Variants in EML4 observed in about 807,000 individuals in gnomAD.
EML4 encodes echinoderm microtubule-associated protein-like 4.
A neutral mutation model predicts 129.0 loss-of-function variants in EML4; 72 were observed. The observed-to-expected ratio is 0.56, with a 90% CI of 0.46 to 0.68. The LOEUF is 0.68. Ranked by LOEUF, EML4 falls within the 30% of genes least tolerant of loss-of-function variation. The pLI, the probability that EML4 is intolerant of heterozygous loss-of-function variation, is 0.00. For missense variants in EML4, 1,363 were observed against 1,190.6 expected (o/e 1.14, Z -2.13); for synonymous variants, 532 against 405.0 (o/e 1.31, Z -3.77).
At chr2:42,246,378 G>C (rs978818442) in intron 2 of EML4, among the ~76,000 whole-genome samples, 2 of 152,110 alleles carry the variant, frequency 1.3e-5, no homozygotes, top group East Asian at 3.9e-4. Flanking sequence ...GAGTATATGG[G>C]GATAGGCGTG....
chr2:42,172,759 A>G (rs894995596), intron 1 of EML4, among the ~76,000 whole-genome samples: 1 of 152,126 alleles, frequency 6.6e-6, no homozygotes, highest in African/African-American at 2.4e-5. Context: ...TACTGTATGT[A>G]TATTAAATCT....
intron 1 of EML4, among the ~76,000 whole-genome samples, chr2:42,178,800 A>G (rs1212782640): frequency 1.3e-5 from 2 of 152,190 alleles, no homozygotes; most frequent in Non-Finnish European, 2.9e-5. Flanking sequence ...ATTGCACTAT[A>G]GCGCTTCTAA....
At chr2:42,287,506 C>T (rs1667375747) in intron 10 of EML4, among the ~76,000 whole-genome samples, 1 of 152,112 alleles carries the variant, frequency 6.6e-6, no homozygotes, top group African/African-American at 2.4e-5. Context: ...AAGCTCTGCC[C>T]TTCCTCAGTG....
intron 1 of EML4, among the ~76,000 whole-genome samples, chr2:42,194,350 T>A (rs973563403): frequency 1.3e-5 from 2 of 150,380 alleles, no homozygotes. Context: ...TCTCTCTCTT[T>A]TTTTTTTTTT....
At chr2:42,291,379 C>T (rs1667628314) in intron 11 of EML4, among the ~76,000 whole-genome samples, 1 of 147,718 alleles carries the variant, frequency 6.8e-6, no homozygotes, top group East Asian at 2.0e-4. Context: ...ATGTTAAAAA[C>T]TTCTCTTTAT....
chr2:42,176,416 A>G (rs1670607602), intron 1 of EML4, among the ~76,000 whole-genome samples: 1 of 152,140 alleles, frequency 6.6e-6, no homozygotes, highest in Admixed American at 6.5e-5. Flanking sequence ...ACCCTCTCAG[A>G]TTGCTTCATT....
intron 1 of EML4, among the ~76,000 whole-genome samples, chr2:42,234,992 A>G (rs1372732726): frequency 3.9e-5 from 6 of 152,154 alleles, no homozygotes; most frequent in Non-Finnish European, 7.4e-5. Context: ...CCCCATCTCT[A>G]CTAAAAATAC....
chr2:42,305,242 A>G (rs1467944178), intron 17 of EML4, among the ~76,000 whole-genome samples: 2 of 152,210 alleles, frequency 1.3e-5, no homozygotes, highest in East Asian at 3.8e-4. Flanking sequence ...CATCTCTACA[A>G]AAAATAAAAA....
chr2:42,308,916 A>G (rs1337814054), intron 17 of EML4, among the ~76,000 whole-genome samples: 2 of 152,210 alleles, frequency 1.3e-5, no homozygotes, highest in Non-Finnish European at 2.9e-5. Context: ...CATATATAGC[A>G]TGTATTATGG....
At chr2:42,254,219 C>T (rs1255407222) in intron 2 of EML4, among the ~76,000 whole-genome samples, 2 of 152,148 alleles carry the variant, frequency 1.3e-5, no homozygotes, top group African/African-American at 4.8e-5. Context: ...CTTTGGGAGG[C>T]AGAGGCAGGT....
At chr2:42,317,011 G>A (rs1418558903) in intron 18 of EML4, among the ~76,000 whole-genome samples, 1 of 152,160 alleles carries the variant, frequency 6.6e-6, no homozygotes, top group African/African-American at 2.4e-5. Context: ...TTAGCACTGT[G>A]GTGGGTACAG....
intron 1 of EML4, among the ~76,000 whole-genome samples, chr2:42,176,403 T>G (rs775963488): frequency 1.2e-4 from 18 of 152,222 alleles, no homozygotes; most frequent in South Asian, 2.1e-4. Flanking sequence ...GATTGTGCTA[T>G]TCACCCTCTC....
chr2:42,186,214 T>C (rs1275595657), intron 1 of EML4, among the ~76,000 whole-genome samples: 1 of 152,200 alleles, frequency 6.6e-6, no homozygotes, highest in Non-Finnish European at 1.5e-5. Flanking sequence ...GAAAAATACA[T>C]AGCCAAAATA....
intron 1 of EML4, among the ~76,000 whole-genome samples, chr2:42,219,339 G>A (rs990976266): frequency 4.6e-5 from 7 of 152,170 alleles, no homozygotes; most frequent in African/African-American, 1.4e-4. Context: ...TTTTGTATAT[G>A]TGGATTGTGC....
At chr2:42,321,103 G>A (rs1669493244) in intron 19 of EML4, among the ~76,000 whole-genome samples, 1 of 152,000 alleles carries the variant, frequency 6.6e-6, no homozygotes, top group South Asian at 2.1e-4. Flanking sequence ...GTAGTACCAG[G>A]CCGGGTGCTG....
In EML4 at chr2:42,282,990, T is replaced by C. The variant is rs377083922; in HGVS notation, c.941+18T>C. On this transcript the variant is annotated intron_variant, in intron 8 of 22. Transcript: ENST00000318522. ...GTGAAATGGTTGGTATCATTTAACATTGGTTCATTTTTGTTCTTTCAGGCC... is the reference window on the plus strand; with the variant it reads ...GTGAAATGGTTGGTATCATTTAACACTGGTTCATTTTTGTTCTTTCAGGCC... 7 of 1,567,676 alleles carry C rather than the reference T, an allele frequency of 4.5e-6. No homozygotes were observed. The highest frequency in any genetic ancestry group is 2.8e-5 in the African/African-American group (2 of 72,638).
chr2:42,315,823 T>G lies in EML4; in HGVS notation c.1968-139T>G. ...GTGTGAGCCCAGAAGTTCAAGGCTG[T>G]GGTGAGCTAGGATCACTCCATGCAC... On this transcript the variant is annotated intron_variant, in intron 17 of 22. Transcript: ENST00000318522. 7 of 610,948 alleles carry G rather than the reference T, an allele frequency of 1.1e-5. No individual in the cohort carries two copies. In the South Asian group the frequency reaches 1.3e-4, roughly 11 times the overall value. 37.8% of individuals were successfully genotyped at this position (610,948 alleles called of 1,614,324 possible). A position where few individuals can be genotyped will look rare whatever the true frequency, so the allele number is the denominator to read the frequency against.
chr2:42,183,492 A>G (rs1202824026), intron 1 of EML4, among the ~76,000 whole-genome samples: 1 of 152,214 alleles, frequency 6.6e-6, no homozygotes, highest in Admixed American at 6.5e-5. Flanking sequence ...GATACAAAAC[A>G]GGTAGTTACA....
intron 1 of EML4, among the ~76,000 whole-genome samples, chr2:42,182,158 C>CTTTT (rs36105464): frequency 3.2e-5 from 4 of 126,208 alleles, no homozygotes; most frequent in African/African-American, 5.8e-5. Flanking sequence ...AAAAATTCTT[C>CTTTT]TTTTTTTTTT....
Sources: gnomAD v4.1 joint callset for allele counts (sites outside exome capture counted in the v4.1 genomes callset) on GRCh38, gnomAD v4.1.1 for gene constraint, MANE v1.5 for transcripts, NCBI Gene and HGNC (gene_info 2026-07-23, HGNC 2026-07-21) for gene names.